LRRC4C: variants seen among roughly 807,000 people sequenced by gnomAD.
LRRC4C encodes leucine rich repeat containing 4C, also known as leucine-rich repeat-containing protein 4C.
In LRRC4C, 5 loss-of-function variants were observed where a neutral mutation model predicts 33.6. The ratio of observed to expected loss-of-function variants is 0.15; its 90% CI spans 0.08 to 0.31. The LOEUF (loss-of-function observed/expected upper bound fraction) is 0.31. Among genes scored for constraint, LRRC4C ranks in the 10% least tolerant of loss-of-function variants. The pLI is 1.00. For missense variants in LRRC4C, 560 were observed against 796.7 expected (o/e 0.70, Z 3.58); for synonymous variants, 329 against 302.0 (o/e 1.09, Z -0.93).
intron 2 of LRRC4C, among the ~76,000 whole-genome samples, chr11:40,742,195 T>A (rs1948190722): frequency 6.6e-6 from 1 of 152,042 alleles, no homozygotes. Context: ...CTGAATGGTT[T>A]TCAAAGATGT....
chr11:41,333,113 G>A (rs1951346976), intron 1 of LRRC4C, among the ~76,000 whole-genome samples: 1 of 152,080 alleles, frequency 6.6e-6, no homozygotes, highest in South Asian at 2.1e-4. Flanking sequence ...TGCAAATTAA[G>A]GTATTTTATA....
intron 3 of LRRC4C, among the ~76,000 whole-genome samples, chr11:40,428,163 T>TG (rs1950786325): frequency 6.6e-6 from 1 of 152,192 alleles, no homozygotes; most frequent in African/African-American, 2.4e-5. Flanking sequence ...TAAATTTTTT[T>TG]TTTGTTTGTT....
intron 1 of LRRC4C, among the ~76,000 whole-genome samples, chr11:41,299,804 G>T (rs1248819629): frequency 3.9e-5 from 6 of 152,056 alleles, no homozygotes; most frequent in Admixed American, 3.9e-4. Flanking sequence ...GAGACAACAA[G>T]AATTTGTTTA....
chr11:41,232,397 G>A (rs1565501463), intron 1 of LRRC4C, among the ~76,000 whole-genome samples: 1 of 151,990 alleles, frequency 6.6e-6, no homozygotes. Context: ...AATGTTAGTG[G>A]CACTTGTTTC....
intron 2 of LRRC4C, among the ~76,000 whole-genome samples, chr11:40,684,836 G>A (rs548462792): frequency 6.6e-6 from 1 of 151,890 alleles, no homozygotes; most frequent in Non-Finnish European, 1.5e-5. Flanking sequence ...GCTAAAATAA[G>A]CTCAAACTAG....
chr11:41,023,274 TG>T (rs1318233643), intron 1 of LRRC4C, among the ~76,000 whole-genome samples: 1 of 151,800 alleles, frequency 6.6e-6, no homozygotes, highest in Non-Finnish European at 1.5e-5. Flanking sequence ...AGACAAGTAT[TG>T]TTATATTGGT....
At chr11:40,392,789 A>T (rs1949387496) in intron 3 of LRRC4C, among the ~76,000 whole-genome samples, 1 of 152,172 alleles carries the variant, frequency 6.6e-6, no homozygotes, top group Non-Finnish European at 1.5e-5. Context: ...ACTATGTATC[A>T]TGTTCTAATG....
At chr11:40,773,280 C>T (rs1591680521) in intron 2 of LRRC4C, among the ~76,000 whole-genome samples, 2 of 151,966 alleles carry the variant, frequency 1.3e-5, no homozygotes, top group Middle Eastern at 6.8e-3. Context: ...TTAATAAGGG[C>T]TAGTATTTTG....
rs372171007 is a variant in LRRC4C at position 40,319,289 on chromosome 11, T to C, written c.-176+339A>G. ...AACCCATTCTCTTCCCCTTCATCTT[T>C]ACAGTGGGCTACTTGAAGGAAGATA... On this transcript the variant is annotated intron_variant, in intron 4 of 6. Transcript: ENST00000528697. Among the ~76,000 whole-genome samples, 5 of 152,228 alleles carry C rather than the reference T, an allele frequency of 3.3e-5. No individual in the cohort carries two copies. In the East Asian group the frequency reaches 9.7e-4, roughly 29 times the overall value.
At chr11:41,328,329 C>T (rs1192040316) in intron 1 of LRRC4C, among the ~76,000 whole-genome samples, 4 of 152,170 alleles carry the variant, frequency 2.6e-5, no homozygotes, top group African/African-American at 9.6e-5. Flanking sequence ...AAGGAGTGTT[C>T]TTTGTGCCTC....
chr11:41,034,569 ATT>A (rs1260418693), intron 1 of LRRC4C, among the ~76,000 whole-genome samples: 21 of 137,942 alleles, frequency 1.5e-4, no homozygotes, highest in African/African-American at 5.8e-4. Context: ...CCTTTTAAAA[ATT>A]TGTCTTTTGT....
chr11:40,802,930 G>C lies in LRRC4C; in HGVS notation c.-407+130705C>G, dbSNP rs559515397. 2.2e-3 allele frequency among the ~76,000 whole-genome samples: 340 copies of C among 152,242 alleles called. 2 individuals carry two copies. In the Middle Eastern group the frequency reaches 0.024, roughly 11 times the overall value. ...ACATCTTTGTGAATTTCAAATGTTGGAGCAAAAGAAAATCTTAAAAACCTT... is the reference window on the plus strand; with the variant it reads ...ACATCTTTGTGAATTTCAAATGTTGCAGCAAAAGAAAATCTTAAAAACCTT... On this transcript the variant is annotated intron_variant, in intron 2 of 6. Coordinates refer to ENST00000528697, the MANE Select transcript of LRRC4C (RefSeq NM_001258419.2).
chr11:40,802,345 A>T (rs922739651), intron 2 of LRRC4C, among the ~76,000 whole-genome samples: 62 of 151,714 alleles, frequency 4.1e-4, no homozygotes, highest in African/African-American at 1.4e-3. Flanking sequence ...TGGTAATTTT[A>T]AAAAAAAACA....
At chr11:40,301,303 C>T (rs1944762356) in intron 4 of LRRC4C, among the ~76,000 whole-genome samples, 1 of 152,188 alleles carries the variant, frequency 6.6e-6, no homozygotes. Flanking sequence ...AAAACACAAT[C>T]TCCTTTATTA....
At chr11:41,421,522 T>G (rs972026467) in intron 1 of LRRC4C, among the ~76,000 whole-genome samples, 3 of 152,086 alleles carry the variant, frequency 2.0e-5, no homozygotes, top group African/African-American at 7.2e-5. Flanking sequence ...GCTATTGTTA[T>G]AGCTCAGTAG....
At chr11:40,296,669 G>A (rs2136632711) in intron 4 of LRRC4C, among the ~76,000 whole-genome samples, 1 of 152,240 alleles carries the variant, frequency 6.6e-6, no homozygotes, top group South Asian at 2.1e-4. Context: ...ATTGGAATAA[G>A]TAGTAAACAA....
chr11:40,152,498 G>T (rs936289705), intron 5 of LRRC4C, among the ~76,000 whole-genome samples: 2 of 152,162 alleles, frequency 1.3e-5, no homozygotes, highest in Admixed American at 6.5e-5. Flanking sequence ...GGCAGGGGAA[G>T]AACTAAAGCC....
chr11:40,782,737 C>T (rs913171562), intron 2 of LRRC4C, among the ~76,000 whole-genome samples: 6 of 152,112 alleles, frequency 3.9e-5, no homozygotes, highest in Non-Finnish European at 7.4e-5. Flanking sequence ...GATATTATTT[C>T]TATTCATGAG....
chr11:40,230,495 C>T (rs1188257899), intron 5 of LRRC4C, among the ~76,000 whole-genome samples: 3 of 152,158 alleles, frequency 2.0e-5, no homozygotes, highest in Admixed American at 2.0e-4. Flanking sequence ...AGGCACTGAA[C>T]ATTGATCAGA....
Sources: allele counts gnomAD v4.1 joint callset (sites outside exome capture counted in the v4.1 genomes callset), GRCh38; gene constraint gnomAD v4.1.1; transcripts MANE v1.5; gene names NCBI Gene and HGNC (gene_info 2026-07-23, HGNC 2026-07-21).